EAF1: variants seen among roughly 807,000 people sequenced by gnomAD.
The protein encoded by EAF1 is ELL-associated factor 1.
A neutral mutation model predicts 26.6 loss-of-function variants in EAF1; 19 were observed. The ratio of observed to expected loss-of-function variants is 0.71; its 90% CI spans 0.50 to 1.05. EAF1 has a LOEUF of 1.05. EAF1 is among the 50% of genes least tolerant of loss of function. The pLI is 0.00. For synonymous variants in EAF1, 102 were observed against 120.6 expected (o/e 0.85, Z 1.01); for missense variants, 260 against 335.5 (o/e 0.78, Z 1.76).
chr3:15,439,272 T>A lies in EAF1; in HGVS notation c.*117T>A. ...TATGGATCAGTGACTGTAGTAGGAG[T>A]TTGAGGCTCTGGAACTCTCACATAT... On this transcript the variant is annotated 3_prime_UTR_variant, in exon 6 of 6. Transcript: ENST00000396842. 1.1e-6 allele frequency: 1 copy of A among 949,900 alleles called. No homozygotes were observed. Among genetic ancestry groups the A allele is most frequent in the Non-Finnish European group, 1.6e-6 (1 of 631,378 alleles). 58.8% of individuals were successfully genotyped at this position (949,900 alleles called of 1,614,324 possible). A position where few individuals can be genotyped will look rare whatever the true frequency, so the allele number is the denominator to read the frequency against.
At chr3:15,436,298 GA>G in intron 4 of EAF1, 43 bp from the exon 5 acceptor site, 6 of 1,488,102 alleles carry the variant, frequency 4.0e-6, no homozygotes, top group Non-Finnish European at 5.5e-6. Flanking sequence ...GCACTGCCTT[GA>G]AAAGGGCTGC....
In EAF1 at chr3:15,434,393, CA is replaced by C; in HGVS notation, c.382del (p.Thr128LeufsTer33). ...TCCAGGCCCGAATGGAACAGCAGCC[CA>C]CTCGTCCTCCACAGACGTCACAGCC... ...KIQARMEQQPTRPPQTSQPPP... is the reference protein window; with the variant it reads ...KIQARMEQQPXRPPQTSQPPP... On this transcript the variant is annotated frameshift_variant, in exon 4 of 6. Transcript: ENST00000396842. LOFTEE classifies it high-confidence loss of function. The C allele has an allele frequency of 6.2e-7, 1 of 1,614,198 alleles. No individual in the cohort carries two copies.
chr3:15,428,005 T>G (rs867746852), intron 1 of EAF1, 123 bp downstream of exon 1: 2 of 768,158 alleles, frequency 2.6e-6, no homozygotes, highest in African/African-American at 3.6e-5. Context: ...GTCAGTTACT[T>G]TCTCTCGAAC....
chr3:15,427,661 C>T lies in EAF1; in HGVS notation c.-119C>T. The T allele has an allele frequency of 9.1e-7, 1 of 1,095,908 alleles. No individual in the cohort carries two copies. The highest frequency in any genetic ancestry group is 1.3e-6 in the Non-Finnish European group (1 of 747,142). 67.9% of individuals were successfully genotyped at this position (1,095,908 alleles called of 1,614,324 possible). On this transcript the variant is annotated 5_prime_UTR_variant, in exon 1 of 6. Transcript: ENST00000396842. Reference sequence around the variant, plus strand: ...GACCCGGGTGGGTGCCGGCTCGGCTCTCCTTGTCTTCCAGAGCGGTGGCCC... The same window carrying T: ...GACCCGGGTGGGTGCCGGCTCGGCTTTCCTTGTCTTCCAGAGCGGTGGCCC...
chr3:15,439,234 A>G lies in EAF1; in HGVS notation c.*79A>G. On this transcript the variant is annotated 3_prime_UTR_variant, in exon 6 of 6. Transcript: ENST00000396842. ...GCTACTTTGGCGTGGAGTCCATTGC[A>G]AGAGGAAAATGTTATGGATCAGTGA... 1 of 1,427,952 alleles carries G rather than the reference A, an allele frequency of 7.0e-7. No individual in the cohort carries two copies. The highest frequency in any genetic ancestry group is 2.3e-5 in the East Asian group (1 of 43,618). 88.5% of individuals were successfully genotyped at this position (1,427,952 alleles called of 1,614,324 possible). A position where few individuals can be genotyped will look rare whatever the true frequency, so the allele number is the denominator to read the frequency against.
In EAF1 at chr3:15,442,208, GGTGTGTGTGTGTGTGT is replaced by G. The variant is rs3067737; in HGVS notation, c.*3066_*3081del. 2 of 148,030 alleles carry G rather than the reference GGTGTGTGTGTGTGTGT, an allele frequency of 1.4e-5. No homozygotes were observed. The highest frequency in any genetic ancestry group is 3.0e-5 in the Non-Finnish European group (2 of 66,596). 9.2% of individuals were successfully genotyped at this position (148,030 alleles called of 1,614,324 possible). A position where few individuals can be genotyped will look rare whatever the true frequency, so the allele number is the denominator to read the frequency against. On this transcript the variant is annotated 3_prime_UTR_variant, in exon 6 of 6. Coordinates refer to ENST00000396842, the MANE Select transcript of EAF1 (RefSeq NM_033083.7). Reference sequence around the variant, plus strand: ...CCTATTTGAGAGGCTGGTTCAGCAGGGTGTGTGTGTGTGTGTGTGTGTGTGTGTATGAATGGTATAT... The same window carrying G: ...CCTATTTGAGAGGCTGGTTCAGCAGGGTGTGTGTGTGTATGAATGGTATAT...
intron 1 of EAF1, among the ~76,000 whole-genome samples, chr3:15,429,043 A>G (rs1314861171): frequency 1.3e-5 from 2 of 152,236 alleles, no homozygotes; most frequent in Non-Finnish European, 2.9e-5. Context: ...TTTAAATCAT[A>G]TAGTTCATGT....
At chr3:15,433,081 T>A (rs1376603969) in intron 3 of EAF1, 1 of 151,972 alleles carries the variant, frequency 6.6e-6, no homozygotes, top group Non-Finnish European at 1.5e-5. Flanking sequence ...TTTAGAAAGG[T>A]GTTATTATTA....
chr3:15,438,780 C>T (rs926376781), intron 5 of EAF1: 2 of 181,844 alleles, frequency 1.1e-5, no homozygotes, highest in South Asian at 2.3e-4. Context: ...CTGCCTTGGC[C>T]TCCCAAAGTG....
At chr3:15,434,072 A>T (rs1411822501) in intron 3 of EAF1, among the ~76,000 whole-genome samples, 1 of 152,210 alleles carries the variant, frequency 6.6e-6, no homozygotes, top group Non-Finnish European at 1.5e-5. Context: ...TAGTTTCATT[A>T]TATCCTACAT....
At chr3:15,432,244 A>T in intron 3 of EAF1, 21 bp downstream of exon 3, 1 of 1,613,194 alleles carries the variant, frequency 6.2e-7, no homozygotes, top group Non-Finnish European at 8.5e-7. Flanking sequence ...AGCCAGATGC[A>T]GGTTTATATC....
intron 2 of EAF1, among the ~76,000 whole-genome samples, chr3:15,431,457 A>T (rs1357741727): frequency 8.5e-5 from 13 of 152,184 alleles, no homozygotes; most frequent in Admixed American, 6.5e-4. Context: ...GCTTGAGGAT[A>T]GGAGGGAAGC....
intron 4 of EAF1, among the ~76,000 whole-genome samples, chr3:15,435,092 A>G (rs539120869): frequency 1.3e-5 from 2 of 152,224 alleles, no homozygotes; most frequent in South Asian, 2.1e-4. Flanking sequence ...TTTGGGGGGA[A>G]AAAAAGGATT....
chr3:15,436,356 G>A lies in EAF1; in HGVS notation c.541G>A (p.Val181Ile). 6.2e-7 allele frequency: 1 copy of A among 1,609,312 alleles called. No individual in the cohort carries two copies. Among genetic ancestry groups the A allele is most frequent in the Non-Finnish European group, 8.5e-7 (1 of 1,176,516 alleles). ...CTTTATTCCAGAGCTGAGGGCTGAAGTTGACATTATTGAACAAATGAGCAG... is the reference window on the plus strand; with the variant it reads ...CTTTATTCCAGAGCTGAGGGCTGAAATTGACATTATTGAACAAATGAGCAG... ...DDIKRELRAE[V>I]DIIEQMSSSS... is the part of the protein sequence containing the mutation. The change falls in exon 5 of 6, where the codon GTT becomes ATT. Residue 181 changes from valine (V) to isoleucine (I), a missense_variant. Physicochemically the swap from Val to Ile is conservative, Grantham distance 29 (BLOSUM62 3). Transcript: ENST00000396842.
rs3067737 is a variant in EAF1 at position 15,442,208 on chromosome 3, G to GGT, written c.*3080_*3081dup. The GGT allele has an allele frequency of 0.18, 26,906 of 148,094 alleles. 2,474 individuals are homozygous for GGT. Among genetic ancestry groups the GGT allele is most frequent in the East Asian group, 0.34 (1,707 of 5,068 alleles). 9.2% of individuals were successfully genotyped at this position (148,094 alleles called of 1,614,324 possible). Reference sequence around the variant, plus strand: ...CCTATTTGAGAGGCTGGTTCAGCAGGGTGTGTGTGTGTGTGTGTGTGTGTG... The same window carrying GGT: ...CCTATTTGAGAGGCTGGTTCAGCAGGGTGTGTGTGTGTGTGTGTGTGTGTGTG... On this transcript the variant is annotated 3_prime_UTR_variant, in exon 6 of 6. Transcript: ENST00000396842.
At chr3:15,437,327 T>C (rs2061842013) in intron 5 of EAF1, among the ~76,000 whole-genome samples, 1 of 150,906 alleles carries the variant, frequency 6.6e-6, no homozygotes, top group Non-Finnish European at 1.5e-5. Flanking sequence ...CCTTTTTTTT[T>C]TTTTTGGTAG....
At chr3:15,431,079 A>G (rs1235429961) in intron 2 of EAF1, among the ~76,000 whole-genome samples, 1 of 152,202 alleles carries the variant, frequency 6.6e-6, no homozygotes, top group Non-Finnish European at 1.5e-5. Flanking sequence ...TTCTAGCTCT[A>G]TATTTTTACT....
intron 4 of EAF1, among the ~76,000 whole-genome samples, chr3:15,434,809 A>T (rs545806314): frequency 6.6e-6 from 1 of 152,316 alleles, no homozygotes; most frequent in South Asian, 2.1e-4. Flanking sequence ...AACAAGCATG[A>T]CTTCCATCTA....
rs1020094108 is a variant in EAF1, at chr3:15,427,606, C to G, written c.-174C>G. 6.4e-6 allele frequency: 4 copies of G among 625,484 alleles called. No individual in the cohort carries two copies. Among genetic ancestry groups the G allele is most frequent in the Non-Finnish European group, 1.1e-5 (4 of 355,692 alleles). 38.7% of individuals were successfully genotyped at this position (625,484 alleles called of 1,614,324 possible). ...CTTGCCTCCTCAGATTCCTCTCTCA[C>G]CCCCACGCAGAGGAGAGAACTTGCT... On this transcript the variant is annotated 5_prime_UTR_variant, in exon 1 of 6. Coordinates refer to ENST00000396842, the MANE Select transcript of EAF1 (RefSeq NM_033083.7).
Sources: allele counts gnomAD v4.1 joint callset (sites outside exome capture counted in the v4.1 genomes callset), GRCh38; gene constraint gnomAD v4.1.1; transcripts MANE v1.5; gene names NCBI Gene and HGNC (gene_info 2026-07-23, HGNC 2026-07-21).